Variants in CD22 observed in about 807,000 individuals in gnomAD.
CD22 encodes the protein B-cell receptor CD22.
In CD22, 51 loss-of-function variants were observed where a neutral mutation model predicts 94.7. The observed-to-expected ratio is 0.54, with a 90% confidence interval of 0.43 to 0.68. The LOEUF (loss-of-function observed/expected upper bound fraction) is 0.68, where lower values mean the gene tolerates loss of function less well. Ranked by LOEUF, CD22 falls within the 30% of genes least tolerant of loss-of-function variation. The pLI is 0.00. For synonymous variants in CD22, 424 were observed against 422.5 expected, an observed-to-expected ratio of 1.00 and a Z score of -0.04; for missense variants, 931 against 1,060.4, an observed-to-expected ratio of 0.88 and a Z score of 1.69.
rs1446799116 is a variant in CD22, at chr19:35,347,111, C to G, written c.*414C>G. 1 of 162,074 alleles carries G rather than the reference C, an allele frequency of 6.2e-6. No homozygotes were observed. Among genetic ancestry groups the G allele is most frequent in the African/African-American group, 2.4e-5 (1 of 41,530 alleles). The allele number at this position is 162,074 out of a possible 1,614,324, so 10.0% of individuals were successfully genotyped here. A position where few individuals can be genotyped will look rare whatever the true frequency, so the allele number is the denominator to read the frequency against. ...GGCCCTCTACCCCTGATCTGACATC[C>G]CCACTCACGAATATTATGCCCAGTT... is the stretch of plus-strand genomic sequence containing the variant. On this transcript the variant is annotated 3_prime_UTR_variant, in exon 14 of 14. Coordinates refer to ENST00000085219, the MANE Select transcript of CD22 (RefSeq NM_001771.4).
chr19:35,342,526 C>T lies in CD22; in HGVS notation c.2035+561C>T, dbSNP rs2066831243. ...CTCCTCCAGTGACTTCCCGAAAAGC[C>T]TTCCAGACCAGCTGGCCCCTTCTTC... On this transcript the variant is annotated intron_variant, in intron 9 of 13. Coordinates refer to ENST00000085219, the MANE Select transcript of CD22 (RefSeq NM_001771.4). Among the ~76,000 whole-genome samples the T allele has an allele frequency of 2.6e-5, 4 of 152,128 alleles. No homozygotes were observed. In the South Asian group the frequency reaches 8.3e-4, roughly 32 times the overall value.
At chr19:35,334,689 C>T (rs544513008) in intron 3 of CD22, among the ~76,000 whole-genome samples, 1 of 152,240 alleles carries the variant, frequency 6.6e-6, no homozygotes, top group South Asian at 2.1e-4. Flanking sequence ...GAATGCGGTG[C>T]GTGGATGGCT....
chr19:35,342,007 G>GTCCGTCCTTCCT, intron 9 of CD22, 42 bp downstream of exon 9: 3 of 1,028,100 alleles, frequency 2.9e-6, no homozygotes, highest in East Asian at 5.3e-5. Context: ...GTGGTGGTCA[G>GTCCGTCCTTCCT]TCCTTCCTTC....
intron 3 of CD22, among the ~76,000 whole-genome samples, chr19:35,335,568 A>T (rs965227041): frequency 2.0e-5 from 3 of 151,146 alleles, no homozygotes; most frequent in Non-Finnish European, 4.4e-5. Flanking sequence ...AAAGAAAAAA[A>T]GAGGCCGGGT....
intron 12 of CD22, 21 bp from the exon 13 acceptor site, chr19:35,346,130 T>C (rs1402729600): frequency 3.1e-6 from 5 of 1,594,768 alleles, no homozygotes; most frequent in Admixed American, 3.3e-5. Context: ...TGCGTGGTCG[T>C]CTATCTGCCC....
At position 35,346,168 on chromosome 19, in the gene CD22, A is replaced by G. The variant is rs1406239113; in HGVS notation, c.2345A>G (p.Glu782Gly). The change falls in exon 13 of 14, where the codon GAG (glutamate) becomes GGG (glycine). Residue 782 changes from glutamate (E) to glycine (G), a missense_variant. Transcript: ENST00000085219. Reference sequence around the variant, plus strand: ...TCTCTCAGAGATGCAGAGTCCTCAGAGATGCAGAGACCTCCCCCGGACTGC... The same window carrying G: ...TCTCTCAGAGATGCAGAGTCCTCAGGGATGCAGAGACCTCCCCCGGACTGC... ...IPRTGDAESSEMQRPPPDCDD... is the reference protein window; with the variant it reads ...IPRTGDAESSGMQRPPPDCDD... 1 of 1,613,790 alleles carries G rather than the reference A, an allele frequency of 6.2e-7. No homozygotes were observed. The highest frequency in any genetic ancestry group is 8.5e-7 in the Non-Finnish European group (1 of 1,179,750).
chr19:35,336,967 C>G (rs752047891), intron 4 of CD22, among the ~76,000 whole-genome samples: 1 of 151,828 alleles, frequency 6.6e-6, no homozygotes, highest in Non-Finnish European at 1.5e-5. Context: ...AGGCCGGGTG[C>G]GGTGGCTCAC....
chr19:35,345,822 C>T (rs1000176298), intron 12 of CD22, 102 bp downstream of exon 12: 11 of 824,116 alleles, frequency 1.3e-5, no homozygotes, highest in Non-Finnish European at 2.3e-5. Flanking sequence ...TGCCAGGCAC[C>T]CTGATACATG....
chr19:35,336,679 T>C (rs746784241), intron 4 of CD22: 1 of 284,100 alleles, frequency 3.5e-6, no homozygotes, highest in African/African-American at 2.2e-5. Flanking sequence ...CCAGGCCTTA[T>C]TACGGCTGCC....
chr19:35,343,662 A>G (rs113355531), intron 9 of CD22, among the ~76,000 whole-genome samples: 11,026 of 152,166 alleles, frequency 0.072, 495 homozygotes, highest in South Asian at 0.14. Flanking sequence ...TGGGAGGATC[A>G]CTTGAGCCCA....
In CD22 at chr19:35,340,999, G is replaced by A; in HGVS notation, c.1368G>A (p.Trp456Ter). 1 of 1,614,188 alleles carries A rather than the reference G, an allele frequency of 6.2e-7. No homozygotes were observed. The highest frequency in any genetic ancestry group is 1.1e-5 in the South Asian group (1 of 91,084). ...ACCCCAGTGTTACCCGGTATGAATGGAAACCCCATGGCGCCTGGGAGGAGC... is the reference window on the plus strand; with the variant it reads ...ACCCCAGTGTTACCCGGTATGAATGAAAACCCCATGGCGCCTGGGAGGAGC... The part of the protein sequence containing the change: ...SSNPSVTRYE[W>*]KPHGAWEEPS... The change falls in exon 7 of 14, where the codon TGG (tryptophan) becomes TGA (stop). Residue 456 changes from tryptophan to a stop codon, truncating the protein, a stop_gained. Coordinates refer to ENST00000085219, the MANE Select transcript of CD22 (RefSeq NM_001771.4). LOFTEE classifies it high-confidence loss of function.
At position 35,341,528 on chromosome 19, in the gene CD22, G is replaced by A. The variant is rs1425896082; in HGVS notation, c.1693G>A (p.Asp565Asn). 6.2e-7 allele frequency: 1 copy of A among 1,614,158 alleles called. No homozygotes were observed. The highest frequency in any genetic ancestry group is 1.7e-5 in the Admixed American group (1 of 60,030). Reference sequence around the variant, plus strand: ...GAATTTTGACTCCATCTCCCCAGAAGATGCTGGGAGTTACAGCTGCTGGGT... The same window carrying A: ...GAATTTTGACTCCATCTCCCCAGAAAATGCTGGGAGTTACAGCTGCTGGGT... ...QLNFDSISPE[D>N]AGSYSCWVNN... The change falls in exon 8 of 14, where the codon GAT becomes AAT. Residue 565 changes from aspartate to asparagine, a missense_variant. Coordinates refer to ENST00000085219, the MANE Select transcript of CD22 (RefSeq NM_001771.4). This position sits in a 1 kb window ranked among gnomAD's most constrained non-coding sequence, Gnocchi z 4.0.
chr19:35,342,487 C>G (rs1200943893), intron 9 of CD22, among the ~76,000 whole-genome samples: 2 of 152,090 alleles, frequency 1.3e-5, no homozygotes, highest in Non-Finnish European at 2.9e-5. Flanking sequence ...TCTCATGCTC[C>G]TCTCTGGCCC....
At position 35,337,621 on chromosome 19, in the gene CD22, G is replaced by C; in HGVS notation, c.719-134G>C. 1.3e-6 allele frequency: 1 copy of C among 755,620 alleles called. No homozygotes were observed. Among genetic ancestry groups the C allele is most frequent in the Non-Finnish European group, 2.1e-6 (1 of 477,280 alleles). 46.8% of individuals were successfully genotyped at this position (755,620 alleles called of 1,614,324 possible). A position where few individuals can be genotyped will look rare whatever the true frequency, so the allele number is the denominator to read the frequency against. Reference sequence around the variant, plus strand: ...GTGGGAGGGGGAAGCTGAGAGCCGAGTTAGGAGGCTGTGACCATCACCTGG... The same window carrying C: ...GTGGGAGGGGGAAGCTGAGAGCCGACTTAGGAGGCTGTGACCATCACCTGG... On this transcript the variant is annotated intron_variant, in intron 4 of 13. Transcript: ENST00000085219. The surrounding 1 kb of genome is among the most constrained non-coding windows in gnomAD (Gnocchi z 4.4).
chr19:35,330,275 G>A (rs2066627485), intron 1 of CD22, among the ~76,000 whole-genome samples: 1 of 152,214 alleles, frequency 6.6e-6, no homozygotes, highest in Non-Finnish European at 1.5e-5. Context: ...GGCAGAGGAT[G>A]CAGTGAACTG....
In CD22 at chr19:35,338,207, C is replaced by T. The variant is rs147300619; in HGVS notation, c.1025C>T (p.Pro342Leu). The T allele has an allele frequency of 2.4e-5, 39 of 1,613,974 alleles. No individual in the cohort carries two copies. Among genetic ancestry groups the T allele is most frequent in the East Asian group, 2.0e-4 (9 of 44,890 alleles). ...EPSTVQILHSPAVEGSQVEFL... is the reference protein window; with the variant it reads ...EPSTVQILHSLAVEGSQVEFL... ...TCCACGGTTCAGATCCTCCACTCAC[C>T]GGCTGTGGAGGGAAGTCAAGTCGAG... The change falls in exon 6 of 14, where the codon CCG becomes CTG. Residue 342 changes from proline (P) to leucine (L), a missense_variant. Physicochemically the swap from Pro to Leu is moderately conservative, Grantham distance 98. Coordinates refer to ENST00000085219, the MANE Select transcript of CD22 (RefSeq NM_001771.4).
chr19:35,341,412 G>A lies in CD22; in HGVS notation c.1577G>A (p.Ser526Asn). 2 of 1,613,950 alleles carry A rather than the reference G, an allele frequency of 1.2e-6. No homozygotes were observed. Among genetic ancestry groups the A allele is most frequent in the South Asian group, 2.2e-5 (2 of 91,084 alleles). The change falls in exon 8 of 14, where the codon AGC becomes AAC. Residue 526 changes from serine (S) to asparagine (N), a missense_variant. By Grantham distance (46) the Ser-to-Asn change is conservative (BLOSUM62 1). Transcript: ENST00000085219. This position sits in a 1 kb window ranked among gnomAD's most constrained non-coding sequence, Gnocchi z 4.0. The stretch of plus-strand genomic sequence containing the variant: ...GAGATTCACTCTGGAAACTCGGTCA[G>A]CCTCCAATGTGACTTCTCAAGCAGC... ...LSEIHSGNSV[S>N]LQCDFSSSHP...
intron 1 of CD22, 52 bp from the exon 2 acceptor site, chr19:35,331,967 G>A (rs1291296137): frequency 7.4e-6 from 12 of 1,612,658 alleles, no homozygotes; most frequent in Middle Eastern, 1.6e-4. Flanking sequence ...GAAAAGCCAC[G>A]TGGAAGAAGT....
chr19:35,330,163 AAAACAAAC>A (rs533132916), intron 1 of CD22, among the ~76,000 whole-genome samples: 6 of 152,046 alleles, frequency 3.9e-5, no homozygotes, highest in Admixed American at 2.0e-4. Context: ...CATCTCTACT[AAAACAAAC>A]AAACAAACAA....
Sources: gnomAD v4.1 joint callset for allele counts (sites outside exome capture counted in the v4.1 genomes callset) on GRCh38, gnomAD v4.1.1 for gene constraint, Gnocchi (gnomAD v3.1) non-coding constraint, MANE v1.5 for transcripts, NCBI Gene and HGNC (gene_info 2026-07-23, HGNC 2026-07-21) for gene names.